The following RAPGEF1 variants were observed in gnomAD, a reference collection of about 807,000 sequenced individuals.
RAPGEF1 encodes the protein Rap guanine nucleotide exchange factor 1.
Under a neutral mutation model 143.3 loss-of-function variants are expected in RAPGEF1, and 33 were observed. That is an observed-to-expected ratio of 0.23 (90% CI 0.17 to 0.31). The LOEUF is 0.31. Among genes scored for constraint, RAPGEF1 ranks in the 10% least tolerant of loss-of-function variants. The pLI is 1.00. For synonymous variants in RAPGEF1, 629 were observed against 676.5 expected (o/e 0.93, Z 1.09); for missense variants, 1,199 against 1,645.4 (o/e 0.73, Z 4.69).
intron 1 of RAPGEF1, among the ~76,000 whole-genome samples, chr9:131,705,808 T>G (rs563450661): frequency 2.0e-5 from 3 of 152,170 alleles, no homozygotes; most frequent in Non-Finnish European, 4.4e-5. Flanking sequence ...CATCAAATGC[T>G]CTGTAGGGTG....
chr9:131,594,905 C>T (rs1328723225), intron 17 of RAPGEF1, among the ~76,000 whole-genome samples: 2 of 152,208 alleles, frequency 1.3e-5, no homozygotes, highest in South Asian at 2.1e-4. Flanking sequence ...TTCAGCCCCT[C>T]GCTGTGGACA....
At chr9:131,659,415 C>T (rs1357653000) in intron 1 of RAPGEF1, among the ~76,000 whole-genome samples, 1 of 152,016 alleles carries the variant, frequency 6.6e-6, no homozygotes, top group East Asian at 1.9e-4. Flanking sequence ...GACAGGGTTT[C>T]GCCATGTTGC....
chr9:131,701,203 C>T (rs758310405), intron 1 of RAPGEF1, among the ~76,000 whole-genome samples: 6 of 152,132 alleles, frequency 3.9e-5, no homozygotes, highest in African/African-American at 4.8e-5. Context: ...TAGCCAAACA[C>T]GGAAATGTAT....
chr9:131,719,988 C>T (rs1015355457), intron 1 of RAPGEF1, among the ~76,000 whole-genome samples: 12 of 151,728 alleles, frequency 7.9e-5, no homozygotes, highest in African/African-American at 2.7e-4. Flanking sequence ...TGGGTTCAAG[C>T]GATTCTCCTG....
rs141923209 is a variant in RAPGEF1 at position 131,732,470 on chromosome 9, G to A, written c.61+7300C>T. On this transcript the variant is annotated intron_variant, in intron 1 of 26. Transcript: ENST00000683357. ...AGCTCAAAGAACGTGCACTCAAGTG[G>A]AAGCTCAAAGAACGTGCACTGACCA... 2.7e-3 allele frequency among the ~76,000 whole-genome samples: 405 copies of A among 152,304 alleles called. 1 individual carries two copies. The highest frequency in any genetic ancestry group is 4.9e-3 in the Non-Finnish European group (332 of 68,026).
rs1310357668 is a variant in RAPGEF1, at chr9:131,641,844, C to A, written c.494+1395G>T. 6.6e-6 allele frequency among the ~76,000 whole-genome samples: 1 copy of A among 152,182 alleles called. No individual in the cohort carries two copies. The highest frequency in any genetic ancestry group is 2.4e-5 in the African/African-American group (1 of 41,412). ...TGGCCAAAAGACCACAGTCTCCACGCGTCAGCTGAAACTCCAGGGAGGAAG... is the reference window on the plus strand; with the variant it reads ...TGGCCAAAAGACCACAGTCTCCACGAGTCAGCTGAAACTCCAGGGAGGAAG... On this transcript the variant is annotated intron_variant, in intron 4 of 26. Coordinates refer to ENST00000683357, the MANE Select transcript of RAPGEF1 (RefSeq NM_001377935.1). The surrounding 1 kb of genome is among the most constrained non-coding windows in gnomAD (Gnocchi z 4.6).
At chr9:131,722,087 A>G (rs541294631) in intron 1 of RAPGEF1, among the ~76,000 whole-genome samples, 16 of 152,206 alleles carry the variant, frequency 1.1e-4, no homozygotes, top group African/African-American at 3.4e-4. Flanking sequence ...TACATGTCTT[A>G]TATGTGTTGG....
intron 12 of RAPGEF1, among the ~76,000 whole-genome samples, chr9:131,614,345 A>T (rs760136764): frequency 6.6e-6 from 1 of 152,244 alleles, no homozygotes; most frequent in Non-Finnish European, 1.5e-5. Context: ...AGGTGCCGAG[A>T]GCCCCATGGA....
chr9:131,735,659 C>CGAGGAGGGGATGCAAAT (rs1253119975), intron 1 of RAPGEF1, among the ~76,000 whole-genome samples: 6 of 151,498 alleles, frequency 4.0e-5, no homozygotes, highest in African/African-American at 1.5e-4. Flanking sequence ...ATCATTTCTC[C>CGAGGAGGGGATGCAAAT]GAGGAGGGGA....
chr9:131,603,067 C>G (rs1956532274), intron 14 of RAPGEF1, among the ~76,000 whole-genome samples: 1 of 152,226 alleles, frequency 6.6e-6, no homozygotes, highest in Non-Finnish European at 1.5e-5. Flanking sequence ...TGGGTCAAAT[C>G]CCACTGGAGT....
At chr9:131,627,203 G>A (rs1304598883) in intron 9 of RAPGEF1, among the ~76,000 whole-genome samples, 1 of 117,056 alleles carries the variant, frequency 8.5e-6, no homozygotes, top group African/African-American at 3.6e-5. Context: ...GACAGAGTGA[G>A]GCTCTGTCTC....
At chr9:131,721,026 G>C (rs1248278180) in intron 1 of RAPGEF1, among the ~76,000 whole-genome samples, 1 of 152,004 alleles carries the variant, frequency 6.6e-6, no homozygotes, top group Non-Finnish European at 1.5e-5. Context: ...GATGCTTCTA[G>C]GAGTGACTGG....
At chr9:131,612,547 G>C (rs560477452) in intron 12 of RAPGEF1, among the ~76,000 whole-genome samples, 1 of 152,326 alleles carries the variant, frequency 6.6e-6, no homozygotes, top group East Asian at 1.9e-4. Flanking sequence ...CCCACAGTAA[G>C]GCAAGGCAGG....
chr9:131,623,705 G>A, intron 10 of RAPGEF1, among the ~76,000 whole-genome samples: 1 of 152,238 alleles, frequency 6.6e-6, no homozygotes, highest in Non-Finnish European at 1.5e-5. Flanking sequence ...GGGATTTCAG[G>A]TGCCGGACAG....
At chr9:131,723,844 C>T (rs1357897389) in intron 1 of RAPGEF1, among the ~76,000 whole-genome samples, 1 of 152,096 alleles carries the variant, frequency 6.6e-6, no homozygotes, top group East Asian at 1.9e-4. Flanking sequence ...AGTTTTTTGG[C>T]GAGCTGCCAT....
At position 131,643,435 on chromosome 9, in the gene RAPGEF1, G is replaced by A; in HGVS notation, c.316-18C>T. The A allele has an allele frequency of 6.2e-7, 1 of 1,604,500 alleles. No individual in the cohort carries two copies. On this transcript the variant is annotated intron_variant, in intron 3 of 26. Coordinates refer to ENST00000683357, the MANE Select transcript of RAPGEF1 (RefSeq NM_001377935.1). ...CTCAGGTTCTGAAAGGAGACGTTAG[G>A]CATAAGGAGGAGGAGAGAGATTAAA...
chr9:131,660,740 G>T (rs1336572296), intron 1 of RAPGEF1, among the ~76,000 whole-genome samples: 1 of 152,248 alleles, frequency 6.6e-6, no homozygotes, highest in Admixed American at 6.5e-5. Context: ...GCCTGCCCCA[G>T]AGTGGGGCCC....
At chr9:131,639,349 G>A (rs946749763) in intron 4 of RAPGEF1, among the ~76,000 whole-genome samples, 1 of 152,104 alleles carries the variant, frequency 6.6e-6, no homozygotes, top group Non-Finnish European at 1.5e-5. Flanking sequence ...CGTCAGGAGC[G>A]CACGAATGAA....
At chr9:131,730,697 C>CAAAAAAAAAAAAAAAAAAAAAAAAAA in intron 1 of RAPGEF1, among the ~76,000 whole-genome samples, 59 of 80,364 alleles carry the variant, frequency 7.3e-4, no homozygotes, top group East Asian at 3.3e-3. Context: ...GACTCCATCT[C>CAAAAAAAAAAAAAAAAAAAAAAAAAA]AAAAAAAAAA....
Sources: gnomAD v4.1 joint callset for allele counts (sites outside exome capture counted in the v4.1 genomes callset) on GRCh38, gnomAD v4.1.1 for gene constraint, Gnocchi (gnomAD v3.1) non-coding constraint, MANE v1.5 for transcripts, NCBI Gene and HGNC (gene_info 2026-07-23, HGNC 2026-07-21) for gene names.